Variants in SLC4A7 observed in about 807,000 individuals in gnomAD.
SLC4A7 encodes solute carrier family 4 member 7.
SLC4A7 carries 51 observed loss-of-function variants against 137.6 expected under a neutral mutation model. That is an observed-to-expected ratio of 0.37 (90% CI 0.30 to 0.47). The LOEUF is 0.47. Ranked by LOEUF, SLC4A7 falls within the 20% of genes least tolerant of loss-of-function variation. SLC4A7 has a pLI of 1.00. For missense variants in SLC4A7, 1,247 were observed against 1,525.4 expected, an observed-to-expected ratio of 0.82 and a Z score of 3.04; for synonymous variants, 542 against 518.6, an observed-to-expected ratio of 1.05 and a Z score of -0.61.
In SLC4A7 at chr3:27,386,018, A is replaced by G. The variant is rs372169196; in HGVS notation, c.3366T>C (p.Leu1122=). The part of the protein sequence containing the change: ...AAAVVFPMMV[L]ALVFVRKLMD... ...TGAGTTTGCGCACAAACACTAATGC[A>G]AGAACCTTTAAAAAGTGGGGAAGGA... The change falls in exon 23 of 26, where the codon CTT becomes CTC. Residue 1122 remains leucine (L), a synonymous_variant. Coordinates refer to ENST00000454389, the MANE Select transcript of SLC4A7 (RefSeq NM_001321103.2). 5 of 1,597,768 alleles carry G rather than the reference A, an allele frequency of 3.1e-6. No homozygotes were observed. In the South Asian group the frequency reaches 4.6e-5, roughly 15 times the overall value.
intron 4 of SLC4A7, 90 bp from the exon 5 acceptor site, chr3:27,436,638 G>GA (rs71087606): frequency 0.076 from 42,915 of 566,722 alleles, 126 homozygotes; most frequent in East Asian, 0.13. Context: ...GTTCTTTAAA[G>GA]AAAAAAAAAA....
chr3:27,461,770 G>A (rs1332572505), intron 1 of SLC4A7, among the ~76,000 whole-genome samples: 1 of 151,216 alleles, frequency 6.6e-6, no homozygotes, highest in African/African-American at 2.4e-5. Context: ...GACTAGGCTG[G>A]CCAACATGGT....
rs139934290 is a variant in SLC4A7, at chr3:27,424,076, A to G, written c.1227T>C (p.Ser409=). 8.1e-6 allele frequency: 13 copies of G among 1,610,996 alleles called. No individual in the cohort carries two copies. Among genetic ancestry groups the G allele is most frequent in the African/African-American group, 1.3e-5 (1 of 74,792 alleles). ...SKSGEIKGNG[S]GGSRENSTVD... ...CAGTACTATTTTCTCTGCTTCCACC[A>G]CTTCCATTACCTTTAATTTCTCCAC... Residue 409 remains serine (S), a synonymous_variant, in exon 8 of 26, where the codon AGT becomes AGC. Coordinates refer to ENST00000454389, the MANE Select transcript of SLC4A7 (RefSeq NM_001321103.2).
At position 27,441,387 on chromosome 3, in the gene SLC4A7, T is replaced by C. The variant is rs541233318; in HGVS notation, c.290-3861A>G. 3.9e-5 allele frequency among the ~76,000 whole-genome samples: 6 copies of C among 152,342 alleles called. No homozygotes were observed. In the South Asian group the frequency reaches 1.2e-3, roughly 32 times the overall value. On this transcript the variant is annotated intron_variant, in intron 3 of 25. Transcript: ENST00000454389. Reference sequence around the variant, plus strand: ...GTTTTCTAGCAAAGTCTATATTATTTCTTCCTTAAGTTTGTTTTATTTCAT... The same window carrying C: ...GTTTTCTAGCAAAGTCTATATTATTCCTTCCTTAAGTTTGTTTTATTTCAT...
intron 7 of SLC4A7, 63 bp from the exon 8 acceptor site, chr3:27,424,215 T>A (rs1297052456): frequency 1.3e-6 from 1 of 791,744 alleles, no homozygotes. Context: ...CTGATTCTGC[T>A]CACATTCTGA....
chr3:27,447,291 T>C (rs560971667), intron 3 of SLC4A7, among the ~76,000 whole-genome samples: 8 of 152,300 alleles, frequency 5.3e-5, no homozygotes, highest in African/African-American at 1.4e-4. Flanking sequence ...GATGGTTATA[T>C]ATTAAAAATA....
At position 27,376,813 on chromosome 3, in the gene SLC4A7, A is replaced by G. The variant is rs1355011227; in HGVS notation, c.3731T>C (p.Phe1244Ser). 1.3e-6 allele frequency: 2 copies of G among 1,598,954 alleles called. No individual in the cohort carries two copies. The highest frequency in any genetic ancestry group is 1.7e-5 in the Admixed American group (1 of 59,246). ...GTATTTCTTTCTTGGTTCATCTTCA[A>G]AACTTATTTTCACACTCACAGGTTT... Reference protein sequence around the residue: ...PDKPVSVKISFEDEPRKKYVD... With the variant: ...PDKPVSVKISSEDEPRKKYVD... Residue 1244 changes from phenylalanine (F) to serine (S), a missense_variant, in exon 26 of 26, where the codon TTT becomes TCT. Around this residue, in one of 6 missense-constraint regions of SLC4A7, gnomAD observed 290 missense variants for 323.8 expected, o/e 0.90. Transcript: ENST00000454389.
chr3:27,408,869 A>C (rs1396633928), intron 13 of SLC4A7, among the ~76,000 whole-genome samples: 1 of 152,266 alleles, frequency 6.6e-6, no homozygotes, highest in African/African-American at 2.4e-5. Flanking sequence ...ATGCCACTTC[A>C]AAAAGCCACA....
chr3:27,415,162 A>T (rs2054264010), intron 11 of SLC4A7, among the ~76,000 whole-genome samples: 1 of 152,174 alleles, frequency 6.6e-6, no homozygotes. Context: ...CAAGTAGACC[A>T]CTTCGACACC....
At chr3:27,424,633 T>C (rs981932741) in intron 7 of SLC4A7, 5 of 152,332 alleles carry the variant, frequency 3.3e-5, no homozygotes, top group African/African-American at 1.2e-4. Context: ...ATTAACATAA[T>C]CTCCCATAAT....
In SLC4A7 at chr3:27,434,091, G is replaced by A. The variant is rs2056538498; in HGVS notation, c.603C>T (p.Asp201=). The A allele has an allele frequency of 1.2e-6, 2 of 1,605,634 alleles. No individual in the cohort carries two copies. Among genetic ancestry groups the A allele is most frequent in the Non-Finnish European group, 1.7e-6 (2 of 1,176,388 alleles). Residue 201 remains aspartate (D), a synonymous_variant, in exon 6 of 26, where the codon GAC becomes GAT. Coordinates refer to ENST00000454389, the MANE Select transcript of SLC4A7 (RefSeq NM_001321103.2). ...CTAATTGGCCAGAAGCTATCATGTT[G>A]TCTAATACCATATCTATTCAATGAA... ...TLDEIADMVL[D]NMIASGQLDE...
intron 3 of SLC4A7, among the ~76,000 whole-genome samples, chr3:27,438,364 G>A (rs1167605888): frequency 6.6e-6 from 1 of 151,656 alleles, no homozygotes; most frequent in Non-Finnish European, 1.5e-5. Context: ...AATTAGCCAG[G>A]CATGGTGGTG....
Position 27,394,731 on chromosome 3 carries a change from G to A in SLC4A7, c.2904C>T (p.Gly968=), listed in dbSNP as rs142557655. ...TGACAGAGCAAACTCCCAACATAAC[G>A]CCAACCATGAGCAAATCAAGGTGAT... ...AGYHLDLLMV[G]VMLGVCSVMG... Residue 968 remains glycine (G), a synonymous_variant, in exon 20 of 26, where the codon GGC becomes GGT. Transcript: ENST00000454389. The A allele has an allele frequency of 9.3e-6, 15 of 1,614,064 alleles. No individual in the cohort carries two copies. Among genetic ancestry groups the A allele is most frequent in the African/African-American group, 4.0e-5 (3 of 75,014 alleles).
Position 27,400,844 on chromosome 3 carries a change from G to A in SLC4A7, c.2347C>T (p.Pro783Ser), listed in dbSNP as rs1470174490. The stretch of plus-strand genomic sequence containing the variant: ...CATTGTGCTAGAGTTTCATTGCTGG[G>A]GTTTGGAGGTTCAGTACATACACAT... ...YSCVCTEPPN[P>S]SNETLAQWKK... Residue 783 changes from proline (P) to serine (S), a missense_variant, in exon 16 of 26, where the codon CCC becomes TCC. Around this residue, in one of 6 missense-constraint regions of SLC4A7, gnomAD observed 499 missense variants for 664.2 expected, o/e 0.75. Transcript: ENST00000454389. 1.2e-6 allele frequency: 2 copies of A among 1,603,064 alleles called. No individual in the cohort carries two copies. The highest frequency in any genetic ancestry group is 2.7e-5 in the African/African-American group (2 of 74,718).
intron 22 of SLC4A7, 99 bp from the exon 23 acceptor site, chr3:27,386,122 C>A: frequency 3.3e-6 from 3 of 902,046 alleles, no homozygotes; most frequent in East Asian, 3.2e-5. Context: ...AAAAATGCTT[C>A]ATATAGTTTA....
chr3:27,479,044 G>C (rs1213680286), intron 1 of SLC4A7, among the ~76,000 whole-genome samples: 1 of 151,910 alleles, frequency 6.6e-6, no homozygotes, highest in African/African-American at 2.4e-5. Context: ...ACTAGAACCT[G>C]TCTGTATTGG....
intron 3 of SLC4A7, among the ~76,000 whole-genome samples, chr3:27,444,924 T>G (rs1576504200): frequency 6.6e-6 from 1 of 152,336 alleles, no homozygotes; most frequent in South Asian, 2.1e-4. Context: ...AGTGTAATAC[T>G]TTGCCCTGGC....
At chr3:27,394,460 A>T (rs1478480840) in intron 20 of SLC4A7, 58 bp downstream of exon 20, 2 of 1,429,582 alleles carry the variant, frequency 1.4e-6, no homozygotes, top group East Asian at 4.6e-5. Flanking sequence ...TCATGTTCAC[A>T]TAACTAAGTA....
chr3:27,458,092 A>G (rs1379545720), intron 1 of SLC4A7, among the ~76,000 whole-genome samples: 2 of 152,166 alleles, frequency 1.3e-5, no homozygotes, highest in African/African-American at 4.8e-5. Context: ...CAATCATTCT[A>G]TTTGGATATG....
Sources: gnomAD v4.1 joint callset for allele counts (sites outside exome capture counted in the v4.1 genomes callset) on GRCh38, gnomAD v4.1.1 for gene constraint, gnomAD v4.1.1 regional missense constraint, MANE v1.5 for transcripts, NCBI Gene and HGNC (gene_info 2026-07-23, HGNC 2026-07-21) for gene names.